C10orf67: variants seen among roughly 807,000 people sequenced by gnomAD.
C10orf67 encodes the protein chromosome 10 open reading frame 67.
In C10orf67, 60 loss-of-function variants were observed where a neutral mutation model predicts 35.6. That is an observed-to-expected ratio of 1.68 (90% CI 1.37 to 2.09). C10orf67 has a LOEUF of 2.09. C10orf67 is among the 30% of genes most tolerant of loss of function. The pLI, the probability that C10orf67 is intolerant of heterozygous loss-of-function variation, is 0.00. For missense variants in C10orf67, 474 were observed against 330.2 expected, an observed-to-expected ratio of 1.44 and a Z score of -3.38; for synonymous variants, 167 against 115.8, an observed-to-expected ratio of 1.44 and a Z score of -2.84.
chr10:23,263,077 A>G (rs1388620547), intron 10 of C10orf67, among the ~76,000 whole-genome samples: 4 of 152,210 alleles, frequency 2.6e-5, no homozygotes, highest in African/African-American at 4.8e-5. Flanking sequence ...GGATTGTCCT[A>G]TCTCTGTATT....
intron 10 of C10orf67, among the ~76,000 whole-genome samples, chr10:23,251,589 T>C (rs1842457064): frequency 6.6e-6 from 1 of 152,198 alleles, no homozygotes; most frequent in South Asian, 2.1e-4. Context: ...TACAGAATAA[T>C]ACTAAAGAGG....
chr10:23,327,229 TA>T (rs1161428003), intron 2 of C10orf67, among the ~76,000 whole-genome samples: 1 of 151,358 alleles, frequency 6.6e-6, no homozygotes, highest in Non-Finnish European at 1.5e-5. Context: ...AAAGAGAAAT[TA>T]AAAAAGAAAT....
intron 13 of C10orf67, among the ~76,000 whole-genome samples, chr10:23,234,175 A>T (rs756653269): frequency 6.6e-6 from 1 of 152,212 alleles, no homozygotes; most frequent in Non-Finnish European, 1.5e-5. Context: ...ATTACTGGGC[A>T]TATACACAAA....
intron 8 of C10orf67, among the ~76,000 whole-genome samples, chr10:23,274,581 C>T (rs4433485): frequency 0.14 from 20,991 of 152,088 alleles, 2,859 homozygotes; most frequent in East Asian, 0.71. Context: ...TGCCCGACCC[C>T]GCAGGCTGTC....
chr10:23,298,653 C>T (rs185958351), intron 5 of C10orf67, among the ~76,000 whole-genome samples: 71 of 152,278 alleles, frequency 4.7e-4, no homozygotes, highest in Admixed American at 1.7e-3. Context: ...TAAGGATAAG[C>T]CAATATAGCC....
chr10:23,230,056 C>G (rs1378632997), intron 13 of C10orf67, among the ~76,000 whole-genome samples: 1 of 151,620 alleles, frequency 6.6e-6, no homozygotes, highest in Non-Finnish European at 1.5e-5. Context: ...GGCACTCTTG[C>G]AAAACAGGGC....
At chr10:23,248,921 T>C (rs1359745843) in intron 12 of C10orf67, among the ~76,000 whole-genome samples, 4 of 151,816 alleles carry the variant, frequency 2.6e-5, no homozygotes, top group South Asian at 2.1e-4. Flanking sequence ...TCTTGGTTAA[T>C]AGAAAATCAA....
intron 5 of C10orf67, among the ~76,000 whole-genome samples, chr10:23,294,740 T>TA (rs1293669049): frequency 6.6e-6 from 1 of 152,248 alleles, no homozygotes; most frequent in African/African-American, 2.4e-5. Context: ...TTTTTCAACT[T>TA]ACTTCCACTG....
At chr10:23,306,061 T>C (rs1844264080) in intron 4 of C10orf67, among the ~76,000 whole-genome samples, 1 of 151,962 alleles carries the variant, frequency 6.6e-6, no homozygotes, top group African/African-American at 2.4e-5. Flanking sequence ...ATTAATACAA[T>C]AGAATATTTT....
At chr10:23,311,034 G>A (rs980593062) in intron 4 of C10orf67, among the ~76,000 whole-genome samples, 3 of 151,254 alleles carry the variant, frequency 2.0e-5, no homozygotes, top group Admixed American at 6.6e-5. Flanking sequence ...TGGCATGATC[G>A]TTGCTCACTG....
At chr10:23,265,251 G>A (rs1842857393) in intron 10 of C10orf67, among the ~76,000 whole-genome samples, 1 of 152,256 alleles carries the variant, frequency 6.6e-6, no homozygotes, top group Non-Finnish European at 1.5e-5. Context: ...ATGAGGAGTG[G>A]TCCATCTCCT....
intron 2 of C10orf67, among the ~76,000 whole-genome samples, chr10:23,329,276 C>T (rs1018649304): frequency 6.6e-6 from 1 of 151,658 alleles, no homozygotes; most frequent in South Asian, 2.1e-4. Context: ...AGATACAATA[C>T]TTAAAAATAA....
chr10:23,301,257 TCGGCCC>T (rs1844064029), intron 5 of C10orf67, among the ~76,000 whole-genome samples: 2 of 152,112 alleles, frequency 1.3e-5, no homozygotes, highest in African/African-American at 4.8e-5. Flanking sequence ...CTGCCTCTAG[TCGGCCC>T]TCGGCTTCCC....
At chr10:23,235,012 C>CAAAAAAA (rs57049730) in intron 13 of C10orf67, among the ~76,000 whole-genome samples, 1 of 76,016 alleles carries the variant, frequency 1.3e-5, no homozygotes, top group Non-Finnish European at 2.6e-5. Flanking sequence ...AATTCCATCT[C>CAAAAAAA]AAAAAAAAAA....
At chr10:23,333,262 T>A in intron 1 of C10orf67, 80 bp from the exon 2 acceptor site, 1 of 1,326,292 alleles carries the variant, frequency 7.5e-7, no homozygotes, top group Non-Finnish European at 1.1e-6. Flanking sequence ...TTTTTTTGTG[T>A]AAATCATATC....
At chr10:23,337,499 A>G (rs1845734857) in intron 1 of C10orf67, among the ~76,000 whole-genome samples, 1 of 152,218 alleles carries the variant, frequency 6.6e-6, no homozygotes, top group Non-Finnish European at 1.5e-5. Context: ...GTGTCACTGC[A>G]CTTCAGCTTG....
At chr10:23,215,199 T>C (rs1841398104) in intron 15 of C10orf67, among the ~76,000 whole-genome samples, 2 of 152,186 alleles carry the variant, frequency 1.3e-5, no homozygotes, top group African/African-American at 4.8e-5. Flanking sequence ...CTAACAGCTA[T>C]TAAAGAAACT....
chr10:23,266,316 A>G lies in C10orf67; in HGVS notation c.1146T>C (p.Ala382=). Residue 382 remains alanine, a synonymous_variant, in exon 10 of 16, where the codon GCT becomes GCC. Transcript: ENST00000636213. ...PHSATMSVSS[A]GAQKAKMPKK... is the part of the protein sequence containing the mutation. ...TTGGCATTTTAGCTTTCTGGGCCCC[A>G]GCAGATGATACACTCATGGTCGCAG... The G allele has an allele frequency of 2.5e-6, 1 of 398,654 alleles. No individual in the cohort carries two copies. Among genetic ancestry groups the G allele is most frequent in the Non-Finnish European group, 4.4e-6 (1 of 226,106 alleles). The allele number at this position is 398,654 out of a possible 1,614,324, so 24.7% of individuals were successfully genotyped here.
chr10:23,251,371 C>T (rs1240419037), intron 10 of C10orf67, among the ~76,000 whole-genome samples: 2 of 152,154 alleles, frequency 1.3e-5, no homozygotes, highest in East Asian at 3.9e-4. Context: ...GCAGCAGCTT[C>T]CCCCAGTTAC....
Sources: gnomAD v4.1 joint callset for allele counts (sites outside exome capture counted in the v4.1 genomes callset) on GRCh38, gnomAD v4.1.1 for gene constraint, MANE v1.5 for transcripts, NCBI Gene and HGNC (gene_info 2026-07-23, HGNC 2026-07-21) for gene names.